SYNE2: variants seen among roughly 807,000 people sequenced by gnomAD.
SYNE2 encodes nesprin-2.
In SYNE2, 431 loss-of-function variants were observed where a neutral mutation model predicts 856.3. The observed-to-expected ratio is 0.50, with a 90% CI of 0.47 to 0.55. The LOEUF (loss-of-function observed/expected upper bound fraction) is 0.55, where lower values mean the gene tolerates loss of function less well. SYNE2 is among the 20% of genes least tolerant of loss of function. The pLI is 0.00. For missense variants in SYNE2, 8,129 were observed against 8,023.2 expected (o/e 1.01, Z -0.50); for synonymous variants, 2,923 against 2,872.3 (o/e 1.02, Z -0.56).
intron 6 of SYNE2, among the ~76,000 whole-genome samples, chr14:63,949,080 G>A (rs1404211138): frequency 6.6e-6 from 1 of 151,810 alleles, no homozygotes; most frequent in Non-Finnish European, 1.5e-5. Context: ...ATTATGGATT[G>A]TCTGATTAGT....
intron 43 of SYNE2, among the ~76,000 whole-genome samples, chr14:64,028,439 G>T (rs1413509447): frequency 6.6e-6 from 1 of 151,876 alleles, no homozygotes; most frequent in East Asian, 1.9e-4. Context: ...TATTTTTGTA[G>T]AAATAAGGTC....
rs114729336 is a variant in SYNE2, at chr14:63,912,334, A to G, written c.79+3107A>G. Among the ~76,000 whole-genome samples the G allele has an allele frequency of 4.0e-3, 609 of 152,202 alleles. 10 individuals are homozygous for G. The highest frequency in any genetic ancestry group is 0.014 in the African/African-American group (572 of 41,522). On this transcript the variant is annotated intron_variant, in intron 2 of 115. Transcript: ENST00000555002. The stretch of plus-strand genomic sequence containing the variant: ...GCACCTTTGCTTTCATAGCAGGATT[A>G]TTAGCTATTTGAGAAAAAAAAAAGA...
rs1051739970 is a variant in SYNE2 at position 64,166,933 on chromosome 14, GAAAAATA to G, written c.16606-287_16606-281del. 228 of 382,772 alleles carry G rather than the reference GAAAAATA, an allele frequency of 6.0e-4. 1 individual carries two copies. Among genetic ancestry groups the G allele is most frequent in the African/African-American group, 4.2e-3 (201 of 48,082 alleles). 23.7% of individuals were successfully genotyped at this position (382,772 alleles called of 1,614,324 possible). A position where few individuals can be genotyped will look rare whatever the true frequency, so the allele number is the denominator to read the frequency against. Reference sequence around the variant, plus strand: ...GGGCGACAGAATGAGACTCCATTCCGAAAAATAAAAAATAAAAAAGCCTATTTTCTGT... The same window carrying G: ...GGGCGACAGAATGAGACTCCATTCCGAAAAATAAAAAAGCCTATTTTCTGT... On this transcript the variant is annotated intron_variant, in intron 90 of 115. Transcript: ENST00000555002.
At chr14:63,798,869 G>A (rs1888022333) in intron 1 of SYNE2, among the ~76,000 whole-genome samples, 1 of 152,086 alleles carries the variant, frequency 6.6e-6, no homozygotes, top group African/African-American at 2.4e-5. Context: ...AAAAAAGGTG[G>A]GTAGGAACAG....
intron 2 of SYNE2, among the ~76,000 whole-genome samples, chr14:63,925,905 G>A (rs554345687): frequency 7.2e-4 from 110 of 152,118 alleles, no homozygotes; most frequent in African/African-American, 2.5e-3. Context: ...CCAGGCTGGA[G>A]TGCAGTGATG....
chr14:63,887,235 C>T (rs902539536), intron 1 of SYNE2, among the ~76,000 whole-genome samples: 2 of 151,692 alleles, frequency 1.3e-5, no homozygotes, highest in Non-Finnish European at 2.9e-5. Context: ...GAGCCGAGAT[C>T]GCACCACTGC....
rs115419332 is a variant in SYNE2 at position 64,196,109 on chromosome 14, G to A, written c.18038+5872G>A. On this transcript the variant is annotated intron_variant, in intron 99 of 115. Transcript: ENST00000555002. ...GCAGGTTGCAGGAACAGCCAACCAC[G>A]TGGGCCTGAGTTAGATGCAGCATTT... 7.9e-3 allele frequency among the ~76,000 whole-genome samples: 1,198 copies of A among 152,352 alleles called. 22 individuals are homozygous for A. Among genetic ancestry groups the A allele is most frequent in the African/African-American group, 0.027 (1,136 of 41,584 alleles).
chr14:63,768,189 C>CA (rs879394744), intron 1 of SYNE2, among the ~76,000 whole-genome samples: 1,427 of 136,754 alleles, frequency 0.01, 10 homozygotes, highest in Non-Finnish European at 0.013. Flanking sequence ...GACCATGTCT[C>CA]AAAAAAAAAA....
chr14:63,808,221 C>A (rs1595130012), intron 1 of SYNE2, among the ~76,000 whole-genome samples: 2 of 126,536 alleles, frequency 1.6e-5, no homozygotes, highest in South Asian at 6.3e-4. Flanking sequence ...AGCCACTGCA[C>A]CCAGCCAGTT....
intron 46 of SYNE2, 72 bp from the exon 47 acceptor site, chr14:64,049,539 G>A (rs1052695335): frequency 6.6e-7 from 1 of 1,526,552 alleles, no homozygotes; most frequent in South Asian, 1.2e-5. Flanking sequence ...ATCTCAAAGA[G>A]GAAAGAAGAT....
intron 53 of SYNE2, chr14:64,075,723 C>A: frequency 2.0e-6 from 1 of 505,192 alleles, no homozygotes; most frequent in Non-Finnish European, 3.6e-6. Flanking sequence ...AATGGTGTGA[C>A]ACTATGAAGA....
At position 64,048,079 on chromosome 14, in the gene SYNE2, G is replaced by A. The variant is rs202200597; in HGVS notation, c.7301G>A (p.Arg2434Gln). Residue 2434 changes from arginine to glutamine, a missense_variant, in exon 46 of 116, where the codon CGG (arginine) becomes CAG (glutamine). Arg to Gln is a conservative substitution (Grantham distance 43, BLOSUM62 1). This residue lies in a region of SYNE2 where 5,410 missense variants were observed against 5,284.8 expected (regional missense o/e 1.02). Transcript: ENST00000555002. Reference sequence around the variant, plus strand: ...AGCATGAAAAACACTGAAGATGAGCGGAAAGTCAATGAGCTGCAAAATCAA... The same window carrying A: ...AGCATGAAAAACACTGAAGATGAGCAGAAAGTCAATGAGCTGCAAAATCAA... Reference protein sequence around the residue: ...QESMKNTEDERKVNELQNQPL... With the variant: ...QESMKNTEDEQKVNELQNQPL... 80 of 1,613,442 alleles carry A rather than the reference G, an allele frequency of 5.0e-5. 1 individual carries two copies. The highest frequency in any genetic ancestry group is 3.2e-4 in the African/African-American group (24 of 74,972).
At chr14:64,057,815 A>G (rs573062603) in intron 49 of SYNE2, among the ~76,000 whole-genome samples, 1 of 152,322 alleles carries the variant, frequency 6.6e-6, no homozygotes, top group South Asian at 2.1e-4. Flanking sequence ...AAGCCATTTT[A>G]ACTGGATGAG....
chr14:63,934,286 C>T (rs907937263), intron 2 of SYNE2, among the ~76,000 whole-genome samples: 2 of 151,990 alleles, frequency 1.3e-5, no homozygotes, highest in Non-Finnish European at 2.9e-5. Flanking sequence ...GTGTTTTTTC[C>T]CTTGTTTTAT....
At chr14:63,928,513 A>G (rs1415287231) in intron 2 of SYNE2, among the ~76,000 whole-genome samples, 1 of 152,232 alleles carries the variant, frequency 6.6e-6, no homozygotes, top group African/African-American at 2.4e-5. Flanking sequence ...GTTGGTTGCA[A>G]GAAAATTGTG....
chr14:63,776,934 T>C lies in SYNE2; in HGVS notation c.-305+14948T>C, dbSNP rs960392409. The stretch of plus-strand genomic sequence containing the variant: ...AAATTTCTAAGCCAAAGATTATTTT[T>C]GTACACATTCACCATTCTTCTATAG... On this transcript the variant is annotated intron_variant, in intron 1 of 23. Coordinates refer to the SYNE2 transcript ENST00000674003. Among the ~76,000 whole-genome samples the C allele has an allele frequency of 2.0e-5, 3 of 152,216 alleles. No homozygotes were observed. In the South Asian group the frequency reaches 6.2e-4, roughly 32 times the overall value.
At chr14:64,216,432 ATACT>A (rs747052839) in intron 108 of SYNE2, 45 bp downstream of exon 108, 1 of 1,594,918 alleles carries the variant, frequency 6.3e-7, no homozygotes. Flanking sequence ...TCTGTGAGTC[ATACT>A]TACATTTGCA....
intron 45 of SYNE2, among the ~76,000 whole-genome samples, chr14:64,046,211 AT>A (rs1029537303): frequency 2.0e-5 from 3 of 152,242 alleles, no homozygotes; most frequent in African/African-American, 7.2e-5. Flanking sequence ...ATGCAGATGC[AT>A]TGTCTCTCTG....
Position 63,977,941 on chromosome 14 carries a change from C to T in SYNE2, c.1330C>T (p.Leu444Phe). ...MDRFEHHSNILLTFENKDENH... is the reference protein window; with the variant it reads ...MDRFEHHSNIFLTFENKDENH... ...TAGATTTGAGCATCATTCGAACATTCTCCTTACCTTTGAAAATAAGGATGA... is the reference window on the plus strand; with the variant it reads ...TAGATTTGAGCATCATTCGAACATTTTCCTTACCTTTGAAAATAAGGATGA... Residue 444 changes from leucine to phenylalanine, a missense_variant, in exon 13 of 116, where the codon CTC (leucine) becomes TTC (phenylalanine). Leu to Phe is a conservative substitution (Grantham distance 22, BLOSUM62 0). This residue lies in a region of SYNE2 where 2,422 missense variants were observed against 2,357.4 expected (regional missense o/e 1.03). Transcript: ENST00000555002. 1.2e-6 allele frequency: 2 copies of T among 1,613,826 alleles called. No homozygotes were observed. The highest frequency in any genetic ancestry group is 8.5e-7 in the Non-Finnish European group (1 of 1,179,798).
Sources: allele counts gnomAD v4.1 joint callset (sites outside exome capture counted in the v4.1 genomes callset), GRCh38; gene constraint gnomAD v4.1.1; regional missense constraint gnomAD v4.1.1; transcripts MANE v1.5; gene names NCBI Gene and HGNC (gene_info 2026-07-23, HGNC 2026-07-21).